Variants in LIMCH1 observed in about 807,000 individuals in gnomAD.
The protein encoded by LIMCH1 is LIM and calponin homology domains 1.
A neutral mutation model predicts 176.5 loss-of-function variants in LIMCH1; 113 were observed. The observed-to-expected ratio is 0.64, with a 90% CI of 0.55 to 0.75. LIMCH1 has a LOEUF of 0.75. LIMCH1 is among the 30% of genes least tolerant of loss of function. LIMCH1 has a pLI of 0.00. For missense variants in LIMCH1, 1,674 were observed against 1,814.9 expected (o/e 0.92, Z 1.41); for synonymous variants, 619 against 645.9 (o/e 0.96, Z 0.63).
intron 17 of LIMCH1, among the ~76,000 whole-genome samples, chr4:41,647,979 C>G (rs939232484): frequency 1.3e-5 from 2 of 152,196 alleles, no homozygotes; most frequent in African/African-American, 4.8e-5. Context: ...AGAGTAGGCA[C>G]TCAGCAAGTG....
chr4:41,379,459 T>A (rs1165348817), intron 1 of LIMCH1, among the ~76,000 whole-genome samples: 1 of 152,196 alleles, frequency 6.6e-6, no homozygotes, highest in Non-Finnish European at 1.5e-5. Flanking sequence ...ATCTGCCAAC[T>A]TATCTGCCAC....
chr4:41,691,691 A>G (rs867673926), intron 30 of LIMCH1, among the ~76,000 whole-genome samples: 1 of 152,026 alleles, frequency 6.6e-6, no homozygotes, highest in Non-Finnish European at 1.5e-5. Context: ...TGAGCCCAGG[A>G]AGTGGAGGTT....
At chr4:41,605,219 ATCCAAGG>A (rs893987293) in intron 3 of LIMCH1, among the ~76,000 whole-genome samples, 2 of 152,198 alleles carry the variant, frequency 1.3e-5, no homozygotes, top group Admixed American at 6.5e-5. Flanking sequence ...ATTCTTAAAT[ATCCAAGG>A]TTGTTTAATT....
At chr4:41,691,127 C>A (rs1232023640) in intron 30 of LIMCH1, among the ~76,000 whole-genome samples, 1 of 152,112 alleles carries the variant, frequency 6.6e-6, no homozygotes. Flanking sequence ...TCACTCTAAT[C>A]ATTCACTTCC....
intron 3 of LIMCH1, among the ~76,000 whole-genome samples, chr4:41,525,632 G>T (rs2076563628): frequency 6.6e-6 from 1 of 151,950 alleles, no homozygotes; most frequent in Non-Finnish European, 1.5e-5. Flanking sequence ...TTCTAATTTT[G>T]TTCTTCAGAA....
chr4:41,438,492 C>G (rs778470504), intron 1 of LIMCH1, among the ~76,000 whole-genome samples: 1 of 151,840 alleles, frequency 6.6e-6, no homozygotes, highest in Non-Finnish European at 1.5e-5. Flanking sequence ...CCTCCCGCCA[C>G]GACACCTGGC....
intron 6 of LIMCH1, 152 bp from the exon 7 acceptor site, chr4:41,620,272 T>C: frequency 2.7e-6 from 2 of 747,998 alleles, no homozygotes; most frequent in Non-Finnish European, 4.2e-6. Flanking sequence ...AATGGCTGCG[T>C]TGAATTTTCT....
intron 1 of LIMCH1, among the ~76,000 whole-genome samples, chr4:41,430,462 C>T (rs910583236): frequency 2.0e-5 from 3 of 152,178 alleles, no homozygotes; most frequent in African/African-American, 7.2e-5. Flanking sequence ...TGGAGTTTCA[C>T]CACGTTGGCT....
intron 3 of LIMCH1, among the ~76,000 whole-genome samples, chr4:41,525,736 G>A (rs1187290956): frequency 6.6e-6 from 1 of 151,758 alleles, no homozygotes; most frequent in African/African-American, 2.4e-5. Context: ...TAATATATAA[G>A]TATTATATAT....
At chr4:41,644,386 A>T in intron 14 of LIMCH1, 114 bp from the exon 15 acceptor site, 1 of 1,279,348 alleles carries the variant, frequency 7.8e-7, no homozygotes, top group Non-Finnish European at 1.0e-6. Context: ...CAGCCCGGGA[A>T]GGGGGCAGTT....
intron 1 of LIMCH1, among the ~76,000 whole-genome samples, chr4:41,584,543 C>T (rs1175559774): frequency 6.6e-6 from 1 of 152,158 alleles, no homozygotes; most frequent in Non-Finnish European, 1.5e-5. Context: ...GTAAGAATTT[C>T]TCAGAACTGT....
At chr4:41,531,680 C>T (rs534166667) in intron 3 of LIMCH1, among the ~76,000 whole-genome samples, 6 of 152,070 alleles carry the variant, frequency 3.9e-5, no homozygotes, top group South Asian at 2.1e-4. Context: ...CAGCTAGACT[C>T]GGCTCCTTTT....
chr4:41,446,525 A>G (rs1397961902), intron 1 of LIMCH1, among the ~76,000 whole-genome samples: 1 of 152,214 alleles, frequency 6.6e-6, no homozygotes, highest in Non-Finnish European at 1.5e-5. Flanking sequence ...TGATTGCTTT[A>G]TTTTATACTA....
intron 2 of LIMCH1, among the ~76,000 whole-genome samples, chr4:41,513,277 G>T (rs2152366364): frequency 6.6e-6 from 1 of 152,288 alleles, no homozygotes. Context: ...CTCTTCTTCT[G>T]CCACAGATGA....
intron 1 of LIMCH1, among the ~76,000 whole-genome samples, chr4:41,581,108 G>GTCTATCTATCTATCTA (rs1329265925): frequency 0.012 from 1,593 of 128,716 alleles, 28 homozygotes; most frequent in African/African-American, 0.051. Context: ...TCATCTGTCT[G>GTCTATCTATCTATCTA]TCTGTCTATC....
At chr4:41,486,969 C>CAT (rs1197716484) in intron 1 of LIMCH1, among the ~76,000 whole-genome samples, 350 of 112,298 alleles carry the variant, frequency 3.1e-3, no homozygotes, top group African/African-American at 0.013. Flanking sequence ...TACACACACA[C>CAT]ACATACATAC....
intron 1 of LIMCH1, among the ~76,000 whole-genome samples, chr4:41,414,720 GAT>G (rs776377878): frequency 5.3e-5 from 8 of 152,162 alleles, no homozygotes; most frequent in Non-Finnish European, 7.4e-5. Flanking sequence ...TTCAAATTTA[GAT>G]GTCACCCATG....
rs529718117 is a variant in LIMCH1 at position 41,613,603 on chromosome 4, T to C, written c.147T>C (p.Phe49=). 64 of 1,614,180 alleles carry C rather than the reference T, an allele frequency of 4.0e-5. No homozygotes were observed. In the South Asian group the frequency reaches 6.9e-4, roughly 17 times the overall value. ...ATTCCTTCGACAGCCTGGATTCCTT[T>C]GGCTCTCGCTCTCGGCAGACGCCTT... ...RDDSFDSLDS[F]GSRSRQTPSP... is the part of the protein sequence containing the mutation. The change falls in exon 5 of 32, where the codon TTT becomes TTC. Residue 49 remains phenylalanine, a synonymous_variant. Transcript: ENST00000503057.
At chr4:41,655,923 C>A (rs1440030260) in intron 18 of LIMCH1, among the ~76,000 whole-genome samples, 2 of 152,168 alleles carry the variant, frequency 1.3e-5, no homozygotes, top group Admixed American at 6.5e-5. Context: ...CACCCATCGA[C>A]CCCTGTGTCA....
Sources: allele counts gnomAD v4.1 joint callset (sites outside exome capture counted in the v4.1 genomes callset), GRCh38; gene constraint gnomAD v4.1.1; transcripts MANE v1.5; gene names NCBI Gene and HGNC (gene_info 2026-07-23, HGNC 2026-07-21).